Variants in SCYL3 observed in about 807,000 individuals in gnomAD.
SCYL3 encodes SCY1 like pseudokinase 3.
In SCYL3, 35 loss-of-function variants were observed where a neutral mutation model predicts 73.8. That is an observed-to-expected ratio of 0.47 (90% CI 0.36 to 0.63). The LOEUF (loss-of-function observed/expected upper bound fraction) is 0.63, where lower values mean the gene tolerates loss of function less well. Ranked by LOEUF, SCYL3 falls within the 20% of genes least tolerant of loss-of-function variation. The probability of loss-of-function intolerance (pLI) is 0.00; values close to 1 mark genes in which losing one functional copy is unlikely to be tolerated. For synonymous variants in SCYL3, 277 were observed against 295.2 expected (o/e 0.94, Z 0.63); for missense variants, 712 against 798.9 (o/e 0.89, Z 1.31).
intron 10 of SCYL3, among the ~76,000 whole-genome samples, chr1:169,861,317 C>G (rs1013691878): frequency 6.6e-6 from 1 of 152,108 alleles, no homozygotes; most frequent in African/African-American, 2.4e-5. Flanking sequence ...CTTCTTTTGC[C>G]CTTTTTTTTT....
Position 169,849,743 on chromosome 1 carries a change from T to C in SCYL3, c.*3970A>G. The C allele has an allele frequency of 1.6e-6, 1 of 641,490 alleles. No individual in the cohort carries two copies. The highest frequency in any genetic ancestry group is 2.7e-6 in the Non-Finnish European group (1 of 371,558). The allele number at this position is 641,490 out of a possible 1,614,324, so 39.7% of individuals were successfully genotyped here. A position where few individuals can be genotyped will look rare whatever the true frequency, so the allele number is the denominator to read the frequency against. On this transcript the variant is annotated 3_prime_UTR_variant, in exon 13 of 13. Coordinates refer to ENST00000367771, the MANE Select transcript of SCYL3 (RefSeq NM_020423.7). ...TGTCTGAAGGGTACATTACTCGTTA[T>C]CTCTTTTACAGCTTCTCAAAATGAG...
intron 2 of SCYL3, 41 bp downstream of exon 2, chr1:169,888,635 G>C: frequency 1.3e-6 from 2 of 1,515,214 alleles, no homozygotes; most frequent in Non-Finnish European, 1.8e-6. Flanking sequence ...AAACAAGATA[G>C]TAAAAAGTAC....
Position 169,853,591 on chromosome 1 carries a change from G to A in SCYL3, c.*122C>T. The A allele has an allele frequency of 1.0e-6, 1 of 984,478 alleles. No homozygotes were observed. The highest frequency in any genetic ancestry group is 1.5e-6 in the Non-Finnish European group (1 of 647,132). The allele number at this position is 984,478 out of a possible 1,614,324, so 61.0% of individuals were successfully genotyped here. On this transcript the variant is annotated 3_prime_UTR_variant, in exon 13 of 13. Coordinates refer to ENST00000367771, the MANE Select transcript of SCYL3 (RefSeq NM_020423.7). ...TCAGTTGGCACAGACTGGATAATGA[G>A]CTCCTGGGATGGGAAAAGCAGGCCA...
At chr1:169,869,839 A>G (rs1660269808) in intron 6 of SCYL3, among the ~76,000 whole-genome samples, 1 of 152,262 alleles carries the variant, frequency 6.6e-6, no homozygotes. Flanking sequence ...GAGCTTTGAA[A>G]GAATAAAGAA....
At position 169,853,629 on chromosome 1, in the gene SCYL3, C is replaced by G. The variant is rs1658715534; in HGVS notation, c.*84G>C. 2.0e-6 allele frequency: 3 copies of G among 1,469,350 alleles called. No individual in the cohort carries two copies. In the African/African-American group the frequency reaches 4.2e-5, roughly 21 times the overall value. The allele number at this position is 1,469,350 out of a possible 1,614,324, so 91.0% of individuals were successfully genotyped here. On this transcript the variant is annotated 3_prime_UTR_variant, in exon 13 of 13. Coordinates refer to ENST00000367771, the MANE Select transcript of SCYL3 (RefSeq NM_020423.7). Reference sequence around the variant, plus strand: ...GAAAAGCAGGCCACTTTGGGGTTTTCTTGTCCCAAAGCCTGCTTTTGAGGT... The same window carrying G: ...GAAAAGCAGGCCACTTTGGGGTTTTGTTGTCCCAAAGCCTGCTTTTGAGGT...
Position 169,853,598 on chromosome 1 carries a change from G to T in SCYL3, c.*115C>A. 9.4e-7 allele frequency: 1 copy of T among 1,064,508 alleles called. No individual in the cohort carries two copies. Among genetic ancestry groups the T allele is most frequent in the South Asian group, 1.4e-5 (1 of 70,778 alleles). 65.9% of individuals were successfully genotyped at this position (1,064,508 alleles called of 1,614,324 possible). ...GCACAGACTGGATAATGAGCTCCTG[G>T]GATGGGAAAAGCAGGCCACTTTGGG... On this transcript the variant is annotated 3_prime_UTR_variant, in exon 13 of 13. Coordinates refer to ENST00000367771, the MANE Select transcript of SCYL3 (RefSeq NM_020423.7).
chr1:169,849,812 C>G lies in SCYL3; in HGVS notation c.*3901G>C. ...AATTTCGTAAGGTCCTCTGAATAAACAAGGACCAGAACAGGCATACACAGC... is the reference window on the plus strand; with the variant it reads ...AATTTCGTAAGGTCCTCTGAATAAAGAAGGACCAGAACAGGCATACACAGC... On this transcript the variant is annotated 3_prime_UTR_variant, in exon 13 of 13. Transcript: ENST00000367771. 5.4e-6 allele frequency: 3 copies of G among 559,018 alleles called. No individual in the cohort carries two copies. Among genetic ancestry groups the G allele is most frequent in the South Asian group, 4.2e-5 (2 of 48,114 alleles). 34.6% of individuals were successfully genotyped at this position (559,018 alleles called of 1,614,324 possible). A position where few individuals can be genotyped will look rare whatever the true frequency, so the allele number is the denominator to read the frequency against.
At chr1:169,878,518 TA>T in intron 3 of SCYL3, 115 bp downstream of exon 3, 1 of 929,662 alleles carries the variant, frequency 1.1e-6, no homozygotes, top group South Asian at 2.0e-5. Context: ...TTTCTAATAA[TA>T]ACACTTAACT....
intron 1 of SCYL3, among the ~76,000 whole-genome samples, chr1:169,893,045 G>C (rs868672375): frequency 3.3e-5 from 5 of 152,228 alleles, no homozygotes; most frequent in Admixed American, 2.6e-4. Context: ...AGCATTGCTA[G>C]CTGACAAGCA....
intron 2 of SCYL3, among the ~76,000 whole-genome samples, chr1:169,881,122 C>T (rs1015247746): frequency 3.9e-5 from 6 of 152,190 alleles, no homozygotes; most frequent in Non-Finnish European, 8.8e-5. Context: ...TATTGTAATA[C>T]TTCCTGGTGA....
rs184474767 is a variant in SCYL3, at chr1:169,850,690, G to A, written c.*3023C>T. On this transcript the variant is annotated 3_prime_UTR_variant, in exon 13 of 13. Transcript: ENST00000367771. ...ACGCGCCTGCAGTCCCAGCTACTCG[G>A]GAGGCTGAGGCAGGAGAATTGCTTG... is the stretch of plus-strand genomic sequence containing the variant. 39 of 173,638 alleles carry A rather than the reference G, an allele frequency of 2.2e-4. No individual in the cohort carries two copies. Among genetic ancestry groups the A allele is most frequent in the Middle Eastern group, 2.9e-3 (1 of 346 alleles). 10.8% of individuals were successfully genotyped at this position (173,638 alleles called of 1,614,324 possible). A position where few individuals can be genotyped will look rare whatever the true frequency, so the allele number is the denominator to read the frequency against.
At chr1:169,882,080 C>T (rs557814515) in intron 2 of SCYL3, among the ~76,000 whole-genome samples, 2 of 152,324 alleles carry the variant, frequency 1.3e-5, no homozygotes, top group African/African-American at 2.4e-5. Flanking sequence ...AGGCCGGAGC[C>T]GGTTCCCTCA....
Position 169,855,768 on chromosome 1 carries a change from A to G in SCYL3, c.1313-804T>C, listed in dbSNP as rs181472119. On this transcript the variant is annotated intron_variant, in intron 11 of 12. Coordinates refer to ENST00000367771, the MANE Select transcript of SCYL3 (RefSeq NM_020423.7). ...AGGAAAACATTCATCCAAGCAATGG[A>G]AAAGCTATATAAATTTAATATTTCT... is the stretch of plus-strand genomic sequence containing the variant. 1,151 of 1,596,274 alleles carry G rather than the reference A, an allele frequency of 7.2e-4. 3 individuals are homozygous for G. Among genetic ancestry groups the G allele is most frequent in the South Asian group, 3.0e-3 (269 of 89,006 alleles).
Position 169,855,729 on chromosome 1 carries a change from A to G in SCYL3, c.1313-765T>C. ...TCTCAAAACTCCCAAAACACCCATA[A>G]GCTTATTAGTCTCAGGAAAACATTC... On this transcript the variant is annotated intron_variant, in intron 11 of 12. Transcript: ENST00000367771. 3.4e-6 allele frequency: 5 copies of G among 1,457,172 alleles called. 1 individual carries two copies. The highest frequency in any genetic ancestry group is 2.8e-6 in the Non-Finnish European group (3 of 1,072,672). 90.3% of individuals were successfully genotyped at this position (1,457,172 alleles called of 1,614,324 possible).
At chr1:169,866,427 A>G (rs1387501148) in intron 8 of SCYL3, among the ~76,000 whole-genome samples, 2 of 152,222 alleles carry the variant, frequency 1.3e-5, no homozygotes, top group Admixed American at 6.5e-5. Context: ...GATGGCTTCA[A>G]TGCCTGAAGT....
intron 12 of SCYL3, 86 bp from the exon 13 acceptor site, chr1:169,853,858 A>AAATT: frequency 6.8e-7 from 1 of 1,476,158 alleles, no homozygotes; most frequent in East Asian, 2.3e-5. Flanking sequence ...CAGGAATTTA[A>AAATT]AATTTATCTT....
intron 2 of SCYL3, among the ~76,000 whole-genome samples, chr1:169,884,122 C>T (rs1342026368): frequency 6.6e-6 from 1 of 152,022 alleles, no homozygotes; most frequent in Non-Finnish European, 1.5e-5. Context: ...AGTTGTTACC[C>T]TCGAGTTAAT....
rs386368692 is a variant in SCYL3, at chr1:169,854,163, T to TGACTA, written c.2007+102_2007+106dup. The TGACTA allele has an allele frequency of 9.7e-5, 87 of 892,336 alleles. No individual in the cohort carries two copies. In the African/African-American group the frequency reaches 1.0e-3, roughly 10 times the overall value. The allele number at this position is 892,336 out of a possible 1,614,324, so 55.3% of individuals were successfully genotyped here. A position where few individuals can be genotyped will look rare whatever the true frequency, so the allele number is the denominator to read the frequency against. On this transcript the variant is annotated intron_variant, in intron 12 of 12. Transcript: ENST00000367771. ...GATTTTGTTAATTTTGTGCTTGACT[T>TGACTA]GACTAGGAAAATAGCATGTTGCTTG...
Position 169,891,246 on chromosome 1 carries a change from G to A in SCYL3, c.-50-2356C>T, listed in dbSNP as rs995006765. Among the ~76,000 whole-genome samples, 8 of 152,166 alleles carry A rather than the reference G, an allele frequency of 5.3e-5. No individual in the cohort carries two copies. In the East Asian group the frequency reaches 1.5e-3, roughly 29 times the overall value. Reference sequence around the variant, plus strand: ...GAAACTTTCCAGAGGAAGTCAGTTGGTAGTAAAATTTTAAAAAGCAAACAC... The same window carrying A: ...GAAACTTTCCAGAGGAAGTCAGTTGATAGTAAAATTTTAAAAAGCAAACAC... On this transcript the variant is annotated intron_variant, in intron 1 of 12. Transcript: ENST00000367771.
Sources: gnomAD v4.1 joint callset for allele counts (sites outside exome capture counted in the v4.1 genomes callset) on GRCh38, gnomAD v4.1.1 for gene constraint, MANE v1.5 for transcripts, NCBI Gene and HGNC (gene_info 2026-07-23, HGNC 2026-07-21) for gene names.